ISM1: variants seen among roughly 807,000 people sequenced by gnomAD.
ISM1 encodes isthmin 1, also known as isthmin-1.
ISM1 carries 25 observed loss-of-function variants against 46.3 expected under a neutral mutation model. The observed-to-expected ratio is 0.54, with a 90% CI of 0.39 to 0.75. The LOEUF is 0.75. Among genes scored for constraint, ISM1 ranks in the 30% least tolerant of loss-of-function variants. ISM1 has a pLI of 0.00. For synonymous variants in ISM1, 255 were observed against 256.7 expected (o/e 0.99, Z 0.06); for missense variants, 536 against 625.4 (o/e 0.86, Z 1.52).
intron 3 of ISM1, among the ~76,000 whole-genome samples, chr20:13,286,366 A>G (rs2040293063): frequency 6.6e-6 from 1 of 152,056 alleles, no homozygotes; most frequent in Non-Finnish European, 1.5e-5. Flanking sequence ...TTCTCCATCC[A>G]GAAGCAACTT....
chr20:13,277,755 A>C (rs1461305209), intron 2 of ISM1, among the ~76,000 whole-genome samples: 1 of 151,784 alleles, frequency 6.6e-6, no homozygotes, highest in African/African-American at 2.4e-5. Flanking sequence ...TAAAGCTAGT[A>C]GTGCCCTTCT....
intron 1 of ISM1, among the ~76,000 whole-genome samples, chr20:13,253,529 C>T (rs1446208748): frequency 6.6e-6 from 1 of 152,204 alleles, no homozygotes; most frequent in Non-Finnish European, 1.5e-5. Flanking sequence ...AGCCACTGTT[C>T]CTCACCTTCT....
At chr20:13,226,707 T>A (rs1356085995) in intron 1 of ISM1, among the ~76,000 whole-genome samples, 1 of 152,182 alleles carries the variant, frequency 6.6e-6, no homozygotes, top group African/African-American at 2.4e-5. Flanking sequence ...TAATCTCTCA[T>A]CCTTAAGGAG....
At chr20:13,242,522 G>A (rs1024263986) in intron 1 of ISM1, among the ~76,000 whole-genome samples, 2 of 152,176 alleles carry the variant, frequency 1.3e-5, no homozygotes, top group African/African-American at 2.4e-5. Context: ...TCCAGTAAAA[G>A]GTTTGGGAAG....
intron 1 of ISM1, among the ~76,000 whole-genome samples, chr20:13,228,960 TC>T (rs1457669938): frequency 1.3e-5 from 2 of 152,180 alleles, no homozygotes; most frequent in African/African-American, 4.8e-5. Context: ...GATGCAAATG[TC>T]AAACTCAACC....
intron 1 of ISM1, among the ~76,000 whole-genome samples, chr20:13,240,764 A>G (rs902739693): frequency 6.6e-6 from 1 of 152,170 alleles, no homozygotes; most frequent in African/African-American, 2.4e-5. Context: ...ACCAGGGTAG[A>G]GAAGAGTGGA....
chr20:13,286,570 A>C (rs921460882), intron 3 of ISM1, among the ~76,000 whole-genome samples: 1 of 152,172 alleles, frequency 6.6e-6, no homozygotes, highest in Non-Finnish European at 1.5e-5. Context: ...TTGGGAGGAA[A>C]ATAGATGGGG....
intron 1 of ISM1, among the ~76,000 whole-genome samples, chr20:13,249,779 C>CGTTTTGTTTT (rs33933656): frequency 4.0e-4 from 57 of 141,696 alleles, no homozygotes; most frequent in Admixed American, 1.8e-3. Context: ...TTTTTTGTTG[C>CGTTTTGTTTT]GTTTTGTTTT....
intron 3 of ISM1, among the ~76,000 whole-genome samples, chr20:13,285,551 T>TG (rs1568686472): frequency 6.6e-6 from 1 of 152,128 alleles, no homozygotes; most frequent in South Asian, 2.1e-4. Flanking sequence ...ACTTCACGCT[T>TG]GGGGGAAGAG....
chr20:13,326,165 A>G, the ISM1 span, among the ~76,000 whole-genome samples: 1 of 152,230 alleles, frequency 6.6e-6, no homozygotes, highest in Non-Finnish European at 1.5e-5. Context: ...TTTATTGCTG[A>G]GTAGCATTCC....
chr20:13,310,194 A>G, the ISM1 span, among the ~76,000 whole-genome samples: 23 of 152,382 alleles, frequency 1.5e-4, no homozygotes, highest in Admixed American at 1.2e-3. Flanking sequence ...AATATACTAC[A>G]AAGGTGTAGT....
chr20:13,229,950 G>T (rs1306706896), intron 1 of ISM1, among the ~76,000 whole-genome samples: 18 of 152,140 alleles, frequency 1.2e-4, no homozygotes, highest in Non-Finnish European at 1.5e-4. Context: ...CGCCACCTTG[G>T]TCGGCCACCT....
At chr20:13,308,275 G>C in the ISM1 span, among the ~76,000 whole-genome samples, 6 of 152,192 alleles carry the variant, frequency 3.9e-5, no homozygotes, top group Admixed American at 2.0e-4. Flanking sequence ...TAACTCAGAT[G>C]CTTGTAATAC....
intron 3 of ISM1, among the ~76,000 whole-genome samples, chr20:13,285,673 C>T (rs1216415526): frequency 6.6e-6 from 1 of 152,068 alleles, no homozygotes; most frequent in Admixed American, 6.6e-5. Flanking sequence ...GGAATCAGCC[C>T]GAGAGGGGAG....
chr20:13,317,993 G>T, the ISM1 span, among the ~76,000 whole-genome samples: 2 of 152,000 alleles, frequency 1.3e-5, no homozygotes, highest in South Asian at 4.2e-4. Context: ...GACACTGTCT[G>T]CATGAAAAAA....
chr20:13,268,150 T>TCTTCTCTTCC (rs1456943060), intron 1 of ISM1, among the ~76,000 whole-genome samples: 6 of 141,510 alleles, frequency 4.2e-5, no homozygotes, highest in Non-Finnish European at 7.8e-5. Context: ...TCTTCTCTTC[T>TCTTCTCTTCC]CTTCCCTTCC....
chr20:13,239,894 A>T (rs942018739), intron 1 of ISM1, among the ~76,000 whole-genome samples: 15 of 152,178 alleles, frequency 9.9e-5, no homozygotes, highest in Non-Finnish European at 8.8e-5. Context: ...ACAATCCCCC[A>T]TTTCTGAACA....
intron 1 of ISM1, among the ~76,000 whole-genome samples, chr20:13,242,310 T>C (rs1172568510): frequency 6.6e-6 from 1 of 152,112 alleles, no homozygotes; most frequent in African/African-American, 2.4e-5. Flanking sequence ...GACCAGAAAC[T>C]CCACAGAGCA....
At chr20:13,294,592 G>A (rs1376074110) in intron 5 of ISM1, among the ~76,000 whole-genome samples, 1 of 152,094 alleles carries the variant, frequency 6.6e-6, no homozygotes, top group Non-Finnish European at 1.5e-5. Context: ...TCTCAGTCAG[G>A]GTCCAGGCAG....
Sources: gnomAD v4.1 joint callset for allele counts (sites outside exome capture counted in the v4.1 genomes callset) on GRCh38, gnomAD v4.1.1 for gene constraint, MANE v1.5 for transcripts, NCBI Gene and HGNC (gene_info 2026-07-23, HGNC 2026-07-21) for gene names.